Variants in CFAP69 observed in about 807,000 individuals in gnomAD.
CFAP69 encodes cilia and flagella associated protein 69, also known as cilia- and flagella-associated protein 69.
Under a neutral mutation model 123.0 loss-of-function variants are expected in CFAP69, and 92 were observed. That is an observed-to-expected ratio of 0.75 (90% CI 0.63 to 0.89). The LOEUF (loss-of-function observed/expected upper bound fraction) is 0.89. CFAP69 is among the 40% of genes least tolerant of loss of function. The pLI, the probability that CFAP69 is intolerant of heterozygous loss-of-function variation, is 0.00. For synonymous variants in CFAP69, 380 were observed against 364.3 expected, an observed-to-expected ratio of 1.04 and a Z score of -0.49; for missense variants, 1,067 against 1,096.9, an observed-to-expected ratio of 0.97 and a Z score of 0.39.
At chr7:90,323,675 A>G in the CFAP69 span, among the ~76,000 whole-genome samples, 4 of 152,306 alleles carry the variant, frequency 2.6e-5, no homozygotes, top group East Asian at 7.7e-4. Flanking sequence ...ATTCAAGTCA[A>G]CAATCATAAT....
At chr7:90,284,791 C>T (rs952418356) in intron 13 of CFAP69, among the ~76,000 whole-genome samples, 1 of 151,976 alleles carries the variant, frequency 6.6e-6, no homozygotes, top group South Asian at 2.1e-4. Flanking sequence ...TTAAGAGGAG[C>T]CAAAGTTTTA....
At chr7:90,303,502 T>A in intron 17 of CFAP69, 1 of 896,960 alleles carries the variant, frequency 1.1e-6, no homozygotes, top group Non-Finnish European at 1.3e-6. Flanking sequence ...TGTTTATTTT[T>A]AAATGTAAAT....
At chr7:90,299,232 G>A (rs1455066919) in intron 16 of CFAP69, among the ~76,000 whole-genome samples, 3 of 152,098 alleles carry the variant, frequency 2.0e-5, no homozygotes, top group African/African-American at 7.2e-5. Context: ...AGATTATGGA[G>A]GCCATTGCTC....
chr7:90,283,823 T>C (rs943799286), intron 13 of CFAP69, among the ~76,000 whole-genome samples: 1 of 152,140 alleles, frequency 6.6e-6, no homozygotes, highest in Non-Finnish European at 1.5e-5. Flanking sequence ...ACTCAAAAAA[T>C]CTTCTACTTG....
rs28688611 is a variant in CFAP69, at chr7:90,281,696, A to G, written c.1373-1196A>G. On this transcript the variant is annotated intron_variant, in intron 12 of 22. Coordinates refer to ENST00000389297, the MANE Select transcript of CFAP69 (RefSeq NM_001039706.3). ...GGAAAATATCTTTTTGCTAGATATC[A>G]GTGTAGGAAAGGTTTCTTTAAAAAG... is the stretch of plus-strand genomic sequence containing the variant. Among the ~76,000 whole-genome samples the G allele has an allele frequency of 5.9e-3, 896 of 152,356 alleles. 15 individuals are homozygous for G. The highest frequency in any genetic ancestry group is 0.02 in the African/African-American group (847 of 41,588).
chr7:90,268,735 A>C (rs1392207090), intron 6 of CFAP69, among the ~76,000 whole-genome samples: 1 of 152,106 alleles, frequency 6.6e-6, no homozygotes, highest in Non-Finnish European at 1.5e-5. Context: ...CCACTCAGTT[A>C]AATGTTAAGC....
intron 1 of CFAP69, among the ~76,000 whole-genome samples, chr7:90,252,251 A>G (rs1797117713): frequency 6.6e-6 from 1 of 152,112 alleles, no homozygotes; most frequent in African/African-American, 2.4e-5. Flanking sequence ...GCAGAAGTCT[A>G]TTTACCAAAA....
At chr7:90,264,758 T>G (rs1454707439) in intron 4 of CFAP69, among the ~76,000 whole-genome samples, 2 of 152,106 alleles carry the variant, frequency 1.3e-5, no homozygotes, top group African/African-American at 4.8e-5. Flanking sequence ...ATTAATATAA[T>G]ATTTTCTTTT....
At chr7:90,270,186 G>A (rs1364606371) in intron 6 of CFAP69, 1 of 152,098 alleles carries the variant, frequency 6.6e-6, no homozygotes, top group Non-Finnish European at 1.5e-5. Flanking sequence ...CATAGCCCTG[G>A]AGACAGGAAT....
downstream of CFAP69, among the ~76,000 whole-genome samples, chr7:90,314,694 CT>C (rs71104455): frequency 0.51 from 74,257 of 144,322 alleles, 19,270 homozygotes; most frequent in Middle Eastern, 0.6. Flanking sequence ...AAATTTAAAA[CT>C]TTTTTTTTTT....
At chr7:90,298,599 C>G (rs1331051014) in intron 16 of CFAP69, among the ~76,000 whole-genome samples, 1 of 152,130 alleles carries the variant, frequency 6.6e-6, no homozygotes, top group Non-Finnish European at 1.5e-5. Context: ...GCCCCTTAAC[C>G]TCCCTGAAAG....
chr7:90,284,080 A>T (rs555253316), intron 13 of CFAP69, among the ~76,000 whole-genome samples: 1 of 152,182 alleles, frequency 6.6e-6, no homozygotes, highest in Non-Finnish European at 1.5e-5. Context: ...GTAATCTTTC[A>T]TATGTCTAGG....
At chr7:90,282,177 A>AC (rs1437647942) in intron 12 of CFAP69, among the ~76,000 whole-genome samples, 2 of 87,750 alleles carry the variant, frequency 2.3e-5, no homozygotes, top group South Asian at 1.2e-3. Flanking sequence ...ACATGGTGAG[A>AC]CCCCATCTCT....
At chr7:90,275,787 A>C (rs540793892) in intron 9 of CFAP69, among the ~76,000 whole-genome samples, 1 of 151,658 alleles carries the variant, frequency 6.6e-6, no homozygotes, top group African/African-American at 2.4e-5. Flanking sequence ...TATTTTTAGT[A>C]GAGACAGGGT....
At chr7:90,307,561 G>T (rs1163350132) in intron 20 of CFAP69, among the ~76,000 whole-genome samples, 1 of 151,998 alleles carries the variant, frequency 6.6e-6, no homozygotes, top group African/African-American at 2.4e-5. Flanking sequence ...AGTTTTAAAA[G>T]AAACTATGGA....
chr7:90,253,117 TA>T (rs759953963), intron 1 of CFAP69, among the ~76,000 whole-genome samples: 1 of 152,228 alleles, frequency 6.6e-6, no homozygotes, highest in Non-Finnish European at 1.5e-5. Flanking sequence ...TTCAAACATT[TA>T]TTTTAAAGTA....
At position 90,245,322 on chromosome 7, in the gene CFAP69, G is replaced by A; in HGVS notation, c.-103G>A. ...CTTTCGCGACTCTAGCGACTCTCAG[G>A]CTGCCTTCCCTTCTCGGTGGCGGGG... On this transcript the variant is annotated 5_prime_UTR_variant, in exon 1 of 23. Coordinates refer to ENST00000389297, the MANE Select transcript of CFAP69 (RefSeq NM_001039706.3). 1.4e-6 allele frequency: 2 copies of A among 1,403,778 alleles called. No individual in the cohort carries two copies. Among genetic ancestry groups the A allele is most frequent in the African/African-American group, 1.5e-5 (1 of 66,402 alleles). 87.0% of individuals were successfully genotyped at this position (1,403,778 alleles called of 1,614,324 possible).
intron 1 of CFAP69, among the ~76,000 whole-genome samples, chr7:90,246,305 C>A (rs1796313714): frequency 6.6e-6 from 1 of 152,156 alleles, no homozygotes; most frequent in Non-Finnish European, 1.5e-5. Flanking sequence ...CATTGATCCC[C>A]CAGAGAGCCC....
Position 90,288,371 on chromosome 7 carries a change from A to G in CFAP69, c.1775+19A>G. ...GCATTTGGTGAGTATTGCTATAATC[A>G]AATTAGGTAGACTCACAGCAGTCAT... On this transcript the variant is annotated intron_variant, in intron 15 of 22. Coordinates refer to ENST00000389297, the MANE Select transcript of CFAP69 (RefSeq NM_001039706.3). 1.9e-6 allele frequency: 3 copies of G among 1,601,376 alleles called. No individual in the cohort carries two copies. The highest frequency in any genetic ancestry group is 2.6e-6 in the Non-Finnish European group (3 of 1,172,078).
Sources: allele counts gnomAD v4.1 joint callset (sites outside exome capture counted in the v4.1 genomes callset), GRCh38; gene constraint gnomAD v4.1.1; transcripts MANE v1.5; gene names NCBI Gene and HGNC (gene_info 2026-07-23, HGNC 2026-07-21).